Variants in SPIDR observed in about 807,000 individuals in gnomAD.
SPIDR encodes scaffold protein involved in DNA repair.
SPIDR carries 93 observed loss-of-function variants against 104.6 expected under a neutral mutation model. The observed-to-expected ratio is 0.89, with a 90% CI of 0.75 to 1.06. The LOEUF (loss-of-function observed/expected upper bound fraction) is 1.06. SPIDR is among the 50% of genes least tolerant of loss of function. The pLI is 0.00. For missense variants in SPIDR, 1,154 were observed against 1,111.2 expected (o/e 1.04, Z -0.55); for synonymous variants, 431 against 416.9 (o/e 1.03, Z -0.41).
intron 8 of SPIDR, among the ~76,000 whole-genome samples, chr8:47,489,710 C>T (rs1276719922): frequency 1.3e-5 from 2 of 152,160 alleles, no homozygotes; most frequent in African/African-American, 4.8e-5. Context: ...CATCTACAAC[C>T]ATCTGATCTT....
At chr8:47,282,194 T>C (rs1030032183) in intron 2 of SPIDR, among the ~76,000 whole-genome samples, 8 of 152,236 alleles carry the variant, frequency 5.3e-5, no homozygotes, top group Admixed American at 1.3e-4. Context: ...GCAGAGTAGA[T>C]TTATCATAAG....
At chr8:47,716,569 A>T (rs2082618005) in intron 16 of SPIDR, among the ~76,000 whole-genome samples, 2 of 152,200 alleles carry the variant, frequency 1.3e-5, no homozygotes, top group Admixed American at 1.3e-4. Flanking sequence ...GTTGAGAATT[A>T]AATGAGATAA....
intron 10 of SPIDR, chr8:47,660,590 AGTGTGG>A (rs748759752): frequency 4.4e-6 from 4 of 910,806 alleles, no homozygotes; most frequent in Non-Finnish European, 3.9e-6. Flanking sequence ...AGAGGGGTGA[AGTGTGG>A]GTGGCTAGGG....
rs1270473793 is a variant in SPIDR, at chr8:47,527,397, C to CT, written c.1098-68413dup. ...GCACAGGCTTACTAAAGACCTAGAC[C>CT]TCATCATAGGACTATAGAACACCTC... On this transcript the variant is annotated intron_variant, in intron 8 of 19. Transcript: ENST00000297423. 5 of 152,178 alleles carry CT rather than the reference C, an allele frequency of 3.3e-5. No individual in the cohort carries two copies. The East Asian group carries it at 9.6e-4, about 29-fold the overall frequency. 9.4% of individuals were successfully genotyped at this position (152,178 alleles called of 1,614,324 possible).
At chr8:47,618,550 G>A (rs901845592) in intron 10 of SPIDR, among the ~76,000 whole-genome samples, 3 of 151,958 alleles carry the variant, frequency 2.0e-5, no homozygotes, top group African/African-American at 4.8e-5. Context: ...TATTATACAC[G>A]AAGGAGATAA....
At chr8:47,511,082 G>A in intron 8 of SPIDR, 1 of 1,209,982 alleles carries the variant, frequency 8.3e-7, no homozygotes, top group Non-Finnish European at 1.2e-6. Context: ...GCTTCCTTCA[G>A]GGTCCAGCTC....
intron 5 of SPIDR, among the ~76,000 whole-genome samples, chr8:47,328,532 C>T (rs1255892265): frequency 6.6e-6 from 1 of 151,822 alleles, no homozygotes; most frequent in African/African-American, 2.4e-5. Context: ...TGATAACAAG[C>T]GTGAGCCACC....
At chr8:47,322,895 A>G (rs2046978306) in intron 5 of SPIDR, among the ~76,000 whole-genome samples, 1 of 152,102 alleles carries the variant, frequency 6.6e-6, no homozygotes, top group African/African-American at 2.4e-5. Flanking sequence ...AAGTGAGAAC[A>G]CGGGGGCACA....
At position 47,663,631 on chromosome 8, in the gene SPIDR, G is replaced by A. The variant is rs531699626; in HGVS notation, c.1545-10170G>A. On this transcript the variant is annotated intron_variant, in intron 10 of 19. Transcript: ENST00000297423. The stretch of plus-strand genomic sequence containing the variant: ...TTCCATTATCTGGCTTGGCAATTTT[G>A]TACTTGGCTCATTTCTTGTGTTCAA... Among the ~76,000 whole-genome samples, 10 of 152,246 alleles carry A rather than the reference G, an allele frequency of 6.6e-5. No individual in the cohort carries two copies. In the South Asian group the frequency reaches 2.1e-3, roughly 32 times the overall value.
At position 47,713,368 on chromosome 8, in the gene SPIDR, C is replaced by T. The variant is rs142990271; in HGVS notation, c.2189-121C>T. The T allele has an allele frequency of 7.3e-3, 10,135 of 1,391,952 alleles. 62 individuals carry two copies. Among genetic ancestry groups the T allele is most frequent in the Non-Finnish European group, 9.2e-3 (9,234 of 1,002,792 alleles). The allele number at this position is 1,391,952 out of a possible 1,614,324, so 86.2% of individuals were successfully genotyped here. A position where few individuals can be genotyped will look rare whatever the true frequency, so the allele number is the denominator to read the frequency against. ...CACACACAATGAACGTGCTGCTGGA[C>T]ACAGTCCCATAACTGCACCTTCACC... is the stretch of plus-strand genomic sequence containing the variant. On this transcript the variant is annotated intron_variant, in intron 15 of 19. Coordinates refer to ENST00000297423, the MANE Select transcript of SPIDR (RefSeq NM_001080394.4).
At chr8:47,387,278 G>A (rs1554648968) in intron 5 of SPIDR, among the ~76,000 whole-genome samples, 1 of 152,192 alleles carries the variant, frequency 6.6e-6, no homozygotes, top group Non-Finnish European at 1.5e-5. Flanking sequence ...TGAGGGCTTA[G>A]AGACCACAGG....
chr8:47,294,071 C>T, intron 5 of SPIDR, 41 bp downstream of exon 5: 1 of 1,565,536 alleles, frequency 6.4e-7, no homozygotes, highest in Non-Finnish European at 8.6e-7. Context: ...CACTTTATAA[C>T]ATTTGCTAAT....
intron 8 of SPIDR, among the ~76,000 whole-genome samples, chr8:47,517,390 C>G (rs2083326347): frequency 6.6e-6 from 1 of 152,140 alleles, no homozygotes. Context: ...CCTCATCAAT[C>G]CTTTATACTC....
chr8:47,327,668 T>C (rs1318265823), intron 5 of SPIDR, among the ~76,000 whole-genome samples: 1 of 152,148 alleles, frequency 6.6e-6, no homozygotes, highest in Non-Finnish European at 1.5e-5. Flanking sequence ...GTTTAAGTGA[T>C]TCTCCTGTCT....
At position 47,644,672 on chromosome 8, in the gene SPIDR, T is replaced by C. The variant is rs181910834; in HGVS notation, c.1545-29129T>C. ...GATTGATATATTAATGAGATAATAC[T>C]CAAAAAGCACTTAGAACAGGTCCTA... On this transcript the variant is annotated intron_variant, in intron 10 of 19. Transcript: ENST00000297423. Among the ~76,000 whole-genome samples, 115 of 152,292 alleles carry C rather than the reference T, an allele frequency of 7.6e-4. 2 individuals are homozygous for C. The South Asian group carries it at 0.016, about 21-fold the overall frequency.
intron 5 of SPIDR, among the ~76,000 whole-genome samples, chr8:47,306,990 C>CAACA: frequency 6.6e-6 from 1 of 152,238 alleles, no homozygotes; most frequent in South Asian, 2.1e-4. Context: ...TAAAGTAAGT[C>CAACA]TAGTATAGGC....
chr8:47,351,846 A>G (rs1167601383), intron 5 of SPIDR, among the ~76,000 whole-genome samples: 1 of 152,216 alleles, frequency 6.6e-6, no homozygotes, highest in Non-Finnish European at 1.5e-5. Context: ...TAGATCAGGA[A>G]CTTGAGCATC....
intron 8 of SPIDR, among the ~76,000 whole-genome samples, chr8:47,576,634 A>G (rs544367697): frequency 1.1e-4 from 17 of 151,548 alleles, no homozygotes; most frequent in African/African-American, 3.2e-4. Context: ...GGATTTCACC[A>G]TGTTGACCAG....
chr8:47,285,443 A>C (rs1554562424), intron 3 of SPIDR, among the ~76,000 whole-genome samples: 33 of 152,338 alleles, frequency 2.2e-4, no homozygotes, highest in Non-Finnish European at 4.7e-4. Context: ...GGCACACATT[A>C]CAAAAGCATG....
Sources: gnomAD v4.1 joint callset for allele counts (sites outside exome capture counted in the v4.1 genomes callset) on GRCh38, gnomAD v4.1.1 for gene constraint, MANE v1.5 for transcripts, NCBI Gene and HGNC (gene_info 2026-07-23, HGNC 2026-07-21) for gene names.